The following DCHS2 variants were observed in gnomAD, a reference collection of about 807,000 sequenced individuals.
The protein encoded by DCHS2 is dachsous cadherin-related 2.
A neutral mutation model predicts 182.4 loss-of-function variants in DCHS2; 142 were observed. The observed-to-expected ratio is 0.78, with a 90% CI of 0.68 to 0.89. The LOEUF is 0.89. DCHS2 is among the 40% of genes least tolerant of loss of function. DCHS2 has a pLI of 0.00. For synonymous variants in DCHS2, 1,740 were observed against 1,663.3 expected (o/e 1.05, Z -1.12); for missense variants, 4,319 against 4,198.6 (o/e 1.03, Z -0.79).
chr4:154,261,953 C>T lies in DCHS2; in HGVS notation c.6578-2197G>A, dbSNP rs190187745. The T allele has an allele frequency of 3.9e-5, 6 of 152,244 alleles. No homozygotes were observed. In the East Asian group the frequency reaches 1.2e-3, roughly 29 times the overall value. 9.4% of individuals were successfully genotyped at this position (152,244 alleles called of 1,614,324 possible). A position where few individuals can be genotyped will look rare whatever the true frequency, so the allele number is the denominator to read the frequency against. Reference sequence around the variant, plus strand: ...AACCTCCCTGAAACAAAGGCTGATTCCCACACCCCGAAATGTCACCAGAGC... The same window carrying T: ...AACCTCCCTGAAACAAAGGCTGATTTCCACACCCCGAAATGTCACCAGAGC... On this transcript the variant is annotated intron_variant, in intron 14 of 19. Coordinates refer to ENST00000357232, the MANE Select transcript of DCHS2 (RefSeq NM_001358235.2).
intron 1 of DCHS2, chr4:154,391,265 A>T (rs1731688809): frequency 1.2e-6 from 2 of 1,607,440 alleles, no homozygotes; most frequent in Non-Finnish European, 8.5e-7. Context: ...CTCCGTCTTC[A>T]TTCTCTGATT....
At chr4:154,268,344 A>G (rs562865259) in intron 14 of DCHS2, among the ~76,000 whole-genome samples, 3 of 152,250 alleles carry the variant, frequency 2.0e-5, no homozygotes, top group African/African-American at 4.8e-5. Flanking sequence ...TAAGAGTGAC[A>G]TGAATATAAG....
chr4:154,275,420 G>T lies in DCHS2; in HGVS notation c.6464-5407C>A, dbSNP rs1264071616. On this transcript the variant is annotated intron_variant, in intron 13 of 19. Coordinates refer to ENST00000357232, the MANE Select transcript of DCHS2 (RefSeq NM_001358235.2). ...TAGGAAGAAGTCATTTAGTGACAAA[G>T]TAATGGATTATAATCAATCATGGTG... 2.6e-5 allele frequency among the ~76,000 whole-genome samples: 4 copies of T among 152,088 alleles called. No homozygotes were observed. In the South Asian group the frequency reaches 8.3e-4, roughly 32 times the overall value.
intron 1 of DCHS2, among the ~76,000 whole-genome samples, chr4:154,396,235 A>G (rs1253239663): frequency 1.3e-5 from 2 of 148,738 alleles, no homozygotes; most frequent in African/African-American, 2.5e-5. Flanking sequence ...CTCAATATAT[A>G]TAGAAGAAAA....
chr4:154,317,848 T>G (rs1735917299), intron 9 of DCHS2, among the ~76,000 whole-genome samples: 2 of 152,202 alleles, frequency 1.3e-5, no homozygotes, highest in African/African-American at 4.8e-5. Context: ...AGTGAATAAA[T>G]GCTTCTTCAA....
At chr4:154,335,796 C>A (rs1397584990) in intron 3 of DCHS2, among the ~76,000 whole-genome samples, 1 of 152,140 alleles carries the variant, frequency 6.6e-6, no homozygotes, top group Non-Finnish European at 1.5e-5. Context: ...GTTAGGTAAG[C>A]AATATTTTCC....
At position 154,333,316 on chromosome 4, in the gene DCHS2, C is replaced by G. The variant is rs1282699528; in HGVS notation, c.2892G>C (p.Glu964Asp). 4.3e-6 allele frequency: 7 copies of G among 1,614,062 alleles called. No individual in the cohort carries two copies. The African/African-American group carries it at 9.3e-5, about 22-fold the overall frequency. ...LGSAPACSST[E>D]VNITVMDVND... ...TGACATCCATGACTGTTATGTTGAC[C>G]TCGGTGCTGCTGCAGGCTGGGGCGC... The change falls in exon 5 of 20, where the codon GAG (glutamate) becomes GAC (aspartate). Residue 964 changes from glutamate to aspartate, a missense_variant. Glu to Asp is a conservative substitution (Grantham distance 45). Transcript: ENST00000357232.
chr4:154,435,325 G>A (rs561850117), intron 1 of DCHS2, among the ~76,000 whole-genome samples: 72 of 152,176 alleles, frequency 4.7e-4, no homozygotes, highest in Non-Finnish European at 7.8e-4. Flanking sequence ...GGCTGGGCGC[G>A]GTGGCTCATG....
At chr4:154,253,695 A>G (rs1190631231) in intron 16 of DCHS2, among the ~76,000 whole-genome samples, 1 of 152,242 alleles carries the variant, frequency 6.6e-6, no homozygotes, top group African/African-American at 2.4e-5. Context: ...TTAATACAGG[A>G]TAAAGTCTTA....
At chr4:154,449,381 CTT>C (rs869264293) in intron 1 of DCHS2, among the ~76,000 whole-genome samples, 2 of 144,974 alleles carry the variant, frequency 1.4e-5, no homozygotes, top group Non-Finnish European at 1.5e-5. Context: ...TTTAATTAAT[CTT>C]TTTTTTTTTT....
chr4:154,449,527 C>T (rs183719582), intron 1 of DCHS2, among the ~76,000 whole-genome samples: 1 of 152,112 alleles, frequency 6.6e-6, no homozygotes, highest in East Asian at 1.9e-4. Flanking sequence ...CGTGCCACCA[C>T]ACTTGGCTAA....
Position 154,490,419 on chromosome 4 carries a change from C to A in DCHS2, c.937G>T (p.Ala313Ser). ...GTGGCGCGCACGCGACAGACCTCGG[C>A]GCCCGGCTGGGCGTCCTCGCGCACC... ...AAVREDAQPG[A>S]EVCRVRATDR... Residue 313 changes from alanine to serine, a missense_variant, in exon 1 of 20, where the codon GCC (alanine) becomes TCC (serine). Transcript: ENST00000357232. 1 of 1,533,604 alleles carries A rather than the reference C, an allele frequency of 6.5e-7. No homozygotes were observed. The highest frequency in any genetic ancestry group is 2.0e-5 in the Admixed American group (1 of 50,776). 95.0% of individuals were successfully genotyped at this position (1,533,604 alleles called of 1,614,324 possible).
intron 1 of DCHS2, among the ~76,000 whole-genome samples, chr4:154,425,173 A>G (rs866868505): frequency 4.6e-5 from 7 of 152,294 alleles, no homozygotes; most frequent in Middle Eastern, 6.8e-3. Flanking sequence ...GAGATTGACA[A>G]TGGAAGTCAT....
chr4:154,325,717 A>G lies in DCHS2; in HGVS notation c.4018+2376T>C, dbSNP rs534438165. Reference sequence around the variant, plus strand: ...ACTACCTCTGTATAATCCACCATTCAAGTGTCCTGAGAACTTGGGAAGACA... The same window carrying G: ...ACTACCTCTGTATAATCCACCATTCGAGTGTCCTGAGAACTTGGGAAGACA... On this transcript the variant is annotated intron_variant, in intron 7 of 19. Transcript: ENST00000357232. Among the ~76,000 whole-genome samples, 4 of 152,264 alleles carry G rather than the reference A, an allele frequency of 2.6e-5. No homozygotes were observed. In the South Asian group the frequency reaches 8.3e-4, roughly 32 times the overall value.
intron 13 of DCHS2, among the ~76,000 whole-genome samples, chr4:154,294,098 A>T (rs1320481729): frequency 6.6e-6 from 1 of 152,188 alleles, no homozygotes; most frequent in African/African-American, 2.4e-5. Flanking sequence ...TGCTATCCAC[A>T]GGGTCTGGCT....
intron 7 of DCHS2, chr4:154,323,270 TTTG>T (rs1554006919): frequency 1.9e-6 from 3 of 1,550,252 alleles, no homozygotes; most frequent in South Asian, 2.4e-5. Context: ...TGTTTGTTTG[TTTG>T]TTTTTTGCAC....
intron 13 of DCHS2, among the ~76,000 whole-genome samples, chr4:154,270,857 C>G (rs1250811504): frequency 6.6e-6 from 1 of 151,962 alleles, no homozygotes; most frequent in Admixed American, 6.6e-5. Context: ...ATTCCCTCAA[C>G]CAGCTTCCGA....
At position 154,434,237 on chromosome 4, in the gene DCHS2, G is replaced by A. The variant is rs80111493; in HGVS notation, c.2052+55067C>T. 1.0e-3 allele frequency among the ~76,000 whole-genome samples: 155 copies of A among 152,254 alleles called. 4 individuals are homozygous for A. The East Asian group carries it at 0.023, about 23-fold the overall frequency. ...TTGCTTGAGACCAACCTGGACAATA[G>A]AGTAAGACCCTGTCACTACAGAAAA... On this transcript the variant is annotated intron_variant, in intron 1 of 19. Coordinates refer to ENST00000357232, the MANE Select transcript of DCHS2 (RefSeq NM_001358235.2).
chr4:154,379,147 A>G (rs1731056201), intron 1 of DCHS2, among the ~76,000 whole-genome samples: 1 of 152,196 alleles, frequency 6.6e-6, no homozygotes, highest in African/African-American at 2.4e-5. Flanking sequence ...TCACAGAAAA[A>G]GAGAAGAGAA....
Sources: allele counts gnomAD v4.1 joint callset (sites outside exome capture counted in the v4.1 genomes callset), GRCh38; gene constraint gnomAD v4.1.1; transcripts MANE v1.5; gene names NCBI Gene and HGNC (gene_info 2026-07-23, HGNC 2026-07-21).